The following MAGI2 variants were observed in gnomAD, a reference collection of about 807,000 sequenced individuals.
The protein encoded by MAGI2 is membrane associated guanylate kinase, WW and PDZ domain containing 2, also known as membrane-associated guanylate kinase, WW and PDZ domain-containing protein 2.
MAGI2 carries 35 observed loss-of-function variants against 133.3 expected under a neutral mutation model. That is an observed-to-expected ratio of 0.26 (90% CI 0.20 to 0.35). The LOEUF is 0.35. Ranked by LOEUF, MAGI2 falls within the 10% of genes least tolerant of loss-of-function variation. The pLI, the probability that MAGI2 is intolerant of heterozygous loss-of-function variation, is 1.00. For missense variants in MAGI2, 1,636 were observed against 1,863.4 expected (o/e 0.88, Z 2.25); for synonymous variants, 729 against 710.6 (o/e 1.03, Z -0.41).
chr7:79,154,327 T>C (rs971709704), intron 1 of MAGI2, among the ~76,000 whole-genome samples: 30 of 152,228 alleles, frequency 2.0e-4, no homozygotes, highest in African/African-American at 7.0e-4. Context: ...CCAACTTTGC[T>C]GGATGACATT....
At chr7:79,232,256 T>C (rs1253439612) in intron 1 of MAGI2, among the ~76,000 whole-genome samples, 14 of 151,118 alleles carry the variant, frequency 9.3e-5, no homozygotes, top group Non-Finnish European at 1.8e-4. Context: ...AAAATTCTCT[T>C]TTTTGGTTGT....
At chr7:79,006,638 T>C (rs1038820681) in intron 2 of MAGI2, 1 of 152,816 alleles carries the variant, frequency 6.5e-6, no homozygotes, top group Admixed American at 6.5e-5. Flanking sequence ...CAATGTGCAC[T>C]TTTCTTTTTA....
chr7:78,756,176 C>T (rs1823926486), intron 2 of MAGI2, among the ~76,000 whole-genome samples: 1 of 152,102 alleles, frequency 6.6e-6, no homozygotes, highest in Non-Finnish European at 1.5e-5. Context: ...CTCAACTACC[C>T]CTGAAGGAGA....
Position 78,411,444 on chromosome 7 carries a change from G to A in MAGI2, c.1046-42231C>T, listed in dbSNP as rs182926039. ...TTTCTTAATACTTAGAATGGTTGTC[G>A]TATACCAACAATAAAATGATACACA... On this transcript the variant is annotated intron_variant, in intron 6 of 21. Coordinates refer to ENST00000354212, the MANE Select transcript of MAGI2 (RefSeq NM_012301.4). Among the ~76,000 whole-genome samples the A allele has an allele frequency of 1.5e-3, 227 of 152,042 alleles. 2 individuals carry two copies. The highest frequency in any genetic ancestry group is 1.0e-3 in the South Asian group (5 of 4,818).
intron 6 of MAGI2, among the ~76,000 whole-genome samples, chr7:78,375,952 G>T (rs562639378): frequency 5.9e-5 from 9 of 152,164 alleles, no homozygotes; most frequent in Non-Finnish European, 1.2e-4. Flanking sequence ...TAGAATAGAT[G>T]ACTTTTTGCT....
chr7:78,458,755 C>A (rs532204478), intron 6 of MAGI2, among the ~76,000 whole-genome samples: 1 of 151,974 alleles, frequency 6.6e-6, no homozygotes, highest in Non-Finnish European at 1.5e-5. Context: ...CTGCTTCAGC[C>A]TCCCGAGTAG....
At chr7:78,899,481 C>T (rs983271000) in intron 2 of MAGI2, among the ~76,000 whole-genome samples, 1 of 152,180 alleles carries the variant, frequency 6.6e-6, no homozygotes, top group African/African-American at 2.4e-5. Context: ...AAAATCCTAC[C>T]TTGGCTATCT....
chr7:78,078,788 A>ATG (rs67657112), intron 21 of MAGI2, 159 bp downstream of exon 21: 8,117 of 624,246 alleles, frequency 0.013, 283 homozygotes, highest in African/African-American at 0.11. Context: ...GTGTGTGTGT[A>ATG]TGTGTGTGTG....
At chr7:78,622,017 A>G (rs2150941786) in intron 3 of MAGI2, among the ~76,000 whole-genome samples, 1 of 152,168 alleles carries the variant, frequency 6.6e-6, no homozygotes, top group Admixed American at 6.6e-5. Context: ...AGCAGCTTAA[A>G]CTAGACATTT....
chr7:79,132,151 T>G (rs190188245), intron 1 of MAGI2, among the ~76,000 whole-genome samples: 234 of 152,270 alleles, frequency 1.5e-3, no homozygotes, highest in Non-Finnish European at 2.9e-3. Context: ...TTTTAAAAAT[T>G]TTTTGTTTCA....
At chr7:78,106,836 T>G (rs1033917358) in intron 20 of MAGI2, among the ~76,000 whole-genome samples, 2 of 152,178 alleles carry the variant, frequency 1.3e-5, no homozygotes, top group Non-Finnish European at 2.9e-5. Context: ...GATAGTTTTC[T>G]TTTTGTGCAG....
At chr7:78,700,379 A>G (rs528668517) in intron 2 of MAGI2, among the ~76,000 whole-genome samples, 1 of 152,074 alleles carries the variant, frequency 6.6e-6, no homozygotes, top group African/African-American at 2.4e-5. Context: ...ATCAATTCAG[A>G]TAAGACTCAA....
chr7:78,667,368 CT>C (rs1204111914), intron 2 of MAGI2, among the ~76,000 whole-genome samples: 3,635 of 142,318 alleles, frequency 0.026, 80 homozygotes, highest in African/African-American at 0.057. Flanking sequence ...TTTTGAGATT[CT>C]TTTTTTTTTA....
intron 10 of MAGI2, chr7:78,252,317 T>G (rs1055080545): frequency 6.6e-6 from 1 of 151,976 alleles, no homozygotes; most frequent in Non-Finnish European, 1.5e-5. Context: ...AGCACAAGAA[T>G]AGACAAACAG....
At chr7:79,027,576 C>T (rs942659439) in intron 1 of MAGI2, among the ~76,000 whole-genome samples, 2 of 151,786 alleles carry the variant, frequency 1.3e-5, no homozygotes, top group Admixed American at 6.6e-5. Flanking sequence ...ACAAAATCTC[C>T]GTGAAATAGA....
chr7:78,540,978 C>T (rs1798370323), intron 3 of MAGI2, among the ~76,000 whole-genome samples: 1 of 152,222 alleles, frequency 6.6e-6, no homozygotes, highest in Non-Finnish European at 1.5e-5. Context: ...CAAGCCACTT[C>T]TTTCAAAGGG....
intron 1 of MAGI2, among the ~76,000 whole-genome samples, chr7:79,303,905 C>G (rs1164741179): frequency 1.3e-5 from 2 of 152,064 alleles, no homozygotes; most frequent in Non-Finnish European, 1.5e-5. Context: ...CTCCTTCAGT[C>G]TTAGAGAACA....
intron 2 of MAGI2, among the ~76,000 whole-genome samples, chr7:78,741,208 T>C (rs1822385611): frequency 6.6e-6 from 1 of 152,016 alleles, no homozygotes; most frequent in African/African-American, 2.4e-5. Flanking sequence ...TGTTGGGTAA[T>C]CTAAGAAGCT....
intron 18 of MAGI2, among the ~76,000 whole-genome samples, chr7:78,131,241 T>C (rs1821531672): frequency 6.6e-6 from 1 of 152,214 alleles, no homozygotes; most frequent in South Asian, 2.1e-4. Flanking sequence ...CTACCCTTCT[T>C]AGGGATTGTC....
Sources: allele counts gnomAD v4.1 joint callset (sites outside exome capture counted in the v4.1 genomes callset), GRCh38; gene constraint gnomAD v4.1.1; transcripts MANE v1.5; gene names NCBI Gene and HGNC (gene_info 2026-07-23, HGNC 2026-07-21).